Variants in FAM78A observed in about 807,000 individuals in gnomAD.
The protein encoded by FAM78A is family with sequence similarity 78 member A.
Under a neutral mutation model 22.6 loss-of-function variants are expected in FAM78A, and 12 were observed. That is an observed-to-expected ratio of 0.53 (90% confidence interval 0.34 to 0.86). FAM78A has a LOEUF of 0.86. Ranked by LOEUF, FAM78A falls within the 40% of genes least tolerant of loss-of-function variation. The pLI, the probability that FAM78A is intolerant of heterozygous loss-of-function variation, is 0.02. For synonymous variants in FAM78A, 151 were observed against 155.8 expected (o/e 0.97, Z 0.23); for missense variants, 322 against 396.1 (o/e 0.81, Z 1.59).
Position 131,276,105 on chromosome 9 carries a change from C to G in FAM78A, c.75G>C (p.Gln25His). ...RALLYAMGCI[Q>H]SIGGKARVFR... is the part of the protein sequence containing the mutation. ...AGACTCTGGCTTTGCCTCCGATGCTCTGAATACAGCCCATGGCATACAGGA... is the reference window on the plus strand; with the variant it reads ...AGACTCTGGCTTTGCCTCCGATGCTGTGAATACAGCCCATGGCATACAGGA... Residue 25 changes from glutamine (Q) to histidine (H), a missense_variant, in exon 1 of 2, where the codon CAG becomes CAC. Physicochemically the swap from Gln to His is conservative, Grantham distance 24 (BLOSUM62 0). Transcript: ENST00000372271. This position sits in a 1 kb window ranked among gnomAD's most constrained non-coding sequence, Gnocchi z 4.3. The G allele has an allele frequency of 6.2e-7, 1 of 1,613,790 alleles. No homozygotes were observed.
rs2131165732 is a variant in FAM78A, at chr9:131,265,419, C to T, written c.324-4069G>A. Reference sequence around the variant, plus strand: ...TACAGGCATGTGCCACCATGCCGGACTAATTATTTAGTAGAGATGGGGTTT... The same window carrying T: ...TACAGGCATGTGCCACCATGCCGGATTAATTATTTAGTAGAGATGGGGTTT... On this transcript the variant is annotated intron_variant, in intron 1 of 1. Coordinates refer to ENST00000372271, the MANE Select transcript of FAM78A (RefSeq NM_033387.4). The surrounding 1 kb of genome is among the most constrained non-coding windows in gnomAD (Gnocchi z 4.3). Among the ~76,000 whole-genome samples, 1 of 152,244 alleles carries T rather than the reference C, an allele frequency of 6.6e-6. No individual in the cohort carries two copies. The highest frequency in any genetic ancestry group is 1.9e-4 in the East Asian group (1 of 5,156).
chr9:131,261,821 C>T lies in FAM78A; in HGVS notation c.324-471G>A, dbSNP rs1835274695. The stretch of plus-strand genomic sequence containing the variant: ...CAAGCGGTGGGGCCTGGGACCCCGG[C>T]GCATTTCCACCAAGGCACCTGTAAC... On this transcript the variant is annotated intron_variant, in intron 1 of 1. Coordinates refer to ENST00000372271, the MANE Select transcript of FAM78A (RefSeq NM_033387.4). This position sits in a 1 kb window ranked among gnomAD's most constrained non-coding sequence, Gnocchi z 7.1. 1.3e-5 allele frequency among the ~76,000 whole-genome samples: 2 copies of T among 152,290 alleles called. No homozygotes were observed. The highest frequency in any genetic ancestry group is 1.9e-4 in the East Asian group (1 of 5,172).
chr9:131,264,388 C>T (rs1835315309), intron 1 of FAM78A: 1 of 567,690 alleles, frequency 1.8e-6, no homozygotes, highest in African/African-American at 1.9e-5. Context: ...GCCAAATCGT[C>T]ACCAGGCTGC....
At chr9:131,279,071 C>G (rs1835518291), upstream of FAM78A, among the ~76,000 whole-genome samples, 1 of 152,262 alleles carries the variant, frequency 6.6e-6, no homozygotes, top group Admixed American at 6.5e-5. Flanking sequence ...CACACCCTCA[C>G]CCCAGCACTG....
chr9:131,270,775 C>G lies in FAM78A; in HGVS notation c.323+5082G>C, dbSNP rs76608856. On this transcript the variant is annotated intron_variant, in intron 1 of 1. Transcript: ENST00000372271. ...GGTCAACAGGGACATTCCTCCATGG[C>G]CTGTCCCCAGATCTGCTGGCGCTGA... Among the ~76,000 whole-genome samples the G allele has an allele frequency of 4.1e-4, 62 of 152,328 alleles. No homozygotes were observed. In the East Asian group the frequency reaches 0.012, roughly 29 times the overall value.
rs1450629044 is a variant in FAM78A at position 131,270,401 on chromosome 9, G to A, written c.323+5456C>T. On this transcript the variant is annotated intron_variant, in intron 1 of 1. Transcript: ENST00000372271. Reference sequence around the variant, plus strand: ...CCCAACTCCAATCAGCAAAACAAAGGATATCAGTATGTAACTTGTCATTTC... The same window carrying A: ...CCCAACTCCAATCAGCAAAACAAAGAATATCAGTATGTAACTTGTCATTTC... 5 of 717,420 alleles carry A rather than the reference G, an allele frequency of 7.0e-6. No individual in the cohort carries two copies. In the Admixed American group the frequency reaches 1.0e-4, roughly 14 times the overall value. The allele number at this position is 717,420 out of a possible 1,614,324, so 44.4% of individuals were successfully genotyped here. A position where few individuals can be genotyped will look rare whatever the true frequency, so the allele number is the denominator to read the frequency against.
rs1588200528 is a variant in FAM78A, at chr9:131,272,749, G to A, written c.323+3108C>T. ...AGTTCGAGACCATCCTGGCCAACGC[G>A]GTGAAACCCCGTCTCTACTAAAAAT... is the stretch of plus-strand genomic sequence containing the variant. On this transcript the variant is annotated intron_variant, in intron 1 of 1. Transcript: ENST00000372271. This position sits in a 1 kb window ranked among gnomAD's most constrained non-coding sequence, Gnocchi z 4.1. Among the ~76,000 whole-genome samples the A allele has an allele frequency of 6.6e-6, 1 of 152,016 alleles. No homozygotes were observed. The highest frequency in any genetic ancestry group is 6.6e-5 in the Admixed American group (1 of 15,254).
rs932100269 is a variant in FAM78A at position 131,261,908 on chromosome 9, A to G, written c.324-558T>C. 2.6e-5 allele frequency among the ~76,000 whole-genome samples: 4 copies of G among 152,086 alleles called. No individual in the cohort carries two copies. Among genetic ancestry groups the G allele is most frequent in the African/African-American group, 9.7e-5 (4 of 41,398 alleles). ...CTGCTCACCTACGTGCACAGCGGGT[A>G]CTCCCAGGAACAAGCTACTGTTAAA... is the stretch of plus-strand genomic sequence containing the variant. On this transcript the variant is annotated intron_variant, in intron 1 of 1. Coordinates refer to ENST00000372271, the MANE Select transcript of FAM78A (RefSeq NM_033387.4). This position sits in a 1 kb window ranked among gnomAD's most constrained non-coding sequence, Gnocchi z 7.1.
At chr9:131,278,479 C>G (rs147626980), upstream of FAM78A, among the ~76,000 whole-genome samples, 40 of 152,222 alleles carry the variant, frequency 2.6e-4, 1 homozygote, top group Admixed American at 1.1e-3. Flanking sequence ...TGGGTCCCCT[C>G]GAGCAGGTCT....
chr9:131,273,808 G>T (rs1472105399), intron 1 of FAM78A, among the ~76,000 whole-genome samples: 1 of 152,236 alleles, frequency 6.6e-6, no homozygotes, highest in Non-Finnish European at 1.5e-5. Context: ...TGGCGAATTT[G>T]GTTAGCTTGA....
upstream of FAM78A, among the ~76,000 whole-genome samples, chr9:131,276,749 C>G (rs1835489212): frequency 6.6e-6 from 1 of 151,510 alleles, no homozygotes; most frequent in South Asian, 2.1e-4. The surrounding 1 kb of genome is among the most constrained non-coding windows in gnomAD (Gnocchi z 4.3). Context: ...AGGAGGCGAG[C>G]TCAGGGCTCC....
rs774730612 is a variant in FAM78A, at chr9:131,276,203, C to G, written c.-24G>C. On this transcript the variant is annotated 5_prime_UTR_variant, in exon 1 of 2. Coordinates refer to ENST00000372271, the MANE Select transcript of FAM78A (RefSeq NM_033387.4). The surrounding 1 kb of genome is among the most constrained non-coding windows in gnomAD (Gnocchi z 4.3). ...ATTGAAAGGACAGAGGCTGCAGGAC[C>G]CAGTACAGACGGCGCTGCTCTCCAA... 2.5e-6 allele frequency: 4 copies of G among 1,587,810 alleles called. No homozygotes were observed. In the East Asian group the frequency reaches 6.7e-5, roughly 27 times the overall value.
intron 1 of FAM78A, among the ~76,000 whole-genome samples, chr9:131,270,744 C>G (rs570395637): frequency 1.3e-5 from 2 of 152,318 alleles, no homozygotes; most frequent in African/African-American, 4.8e-5. Context: ...CAGGAAGAGG[C>G]CACGTGGTCA....
rs776522545 is a variant in FAM78A, at chr9:131,275,942, T to C, written c.238A>G (p.Ile80Val). 40 of 1,613,286 alleles carry C rather than the reference T, an allele frequency of 2.5e-5. No homozygotes were observed. Among genetic ancestry groups the C allele is most frequent in the Non-Finnish European group, 3.0e-5 (35 of 1,179,992 alleles). Residue 80 changes from isoleucine (I) to valine (V), a missense_variant, in exon 1 of 2, where the codon ATC becomes GTC. By Grantham distance (29) the Ile-to-Val change is conservative. Transcript: ENST00000372271. The surrounding 1 kb of genome is among the most constrained non-coding windows in gnomAD (Gnocchi z 4.6). The part of the protein sequence containing the change: ...RASAQVVMPP[I>V]PKKETWVVGW... ...ACTACCCAAGTCTCCTTCTTGGGGATGGGCGGCATGACCACCTGGGCCGAG... is the reference window on the plus strand; with the variant it reads ...ACTACCCAAGTCTCCTTCTTGGGGACGGGCGGCATGACCACCTGGGCCGAG...
At chr9:131,271,954 A>T (rs1258156762) in intron 1 of FAM78A, among the ~76,000 whole-genome samples, 1 of 152,072 alleles carries the variant, frequency 6.6e-6, no homozygotes, top group African/African-American at 2.4e-5. Flanking sequence ...GAATCCTCTC[A>T]TGCTGGCACA....
upstream of FAM78A, among the ~76,000 whole-genome samples, chr9:131,276,874 C>T (rs904396707): frequency 2.0e-5 from 3 of 149,140 alleles, no homozygotes; most frequent in Non-Finnish European, 4.5e-5. The surrounding 1 kb of genome is among the most constrained non-coding windows in gnomAD (Gnocchi z 4.3). Flanking sequence ...CTGTCGCTGC[C>T]GGCCGCCGTG....
intron 1 of FAM78A, among the ~76,000 whole-genome samples, chr9:131,266,216 G>A (rs182747364): frequency 1.3e-5 from 2 of 152,170 alleles, no homozygotes; most frequent in East Asian, 3.9e-4. Context: ...GAAGCAGCCC[G>A]AAGGATCTTC....
Position 131,262,242 on chromosome 9 carries a change from C to T in FAM78A, c.324-892G>A, listed in dbSNP as rs188596385. Among the ~76,000 whole-genome samples, 9 of 146,922 alleles carry T rather than the reference C, an allele frequency of 6.1e-5. No individual in the cohort carries two copies. The East Asian group carries it at 1.2e-3, about 20-fold the overall frequency. ...CTACTCAGGAGGCTGAGGCAGGAGACAGAGGTTGCAGTGAGCCGAGATCAC... is the reference window on the plus strand; with the variant it reads ...CTACTCAGGAGGCTGAGGCAGGAGATAGAGGTTGCAGTGAGCCGAGATCAC... On this transcript the variant is annotated intron_variant, in intron 1 of 1. Coordinates refer to ENST00000372271, the MANE Select transcript of FAM78A (RefSeq NM_033387.4).
At chr9:131,263,624 A>G in intron 1 of FAM78A, 1 of 170,282 alleles carries the variant, frequency 5.9e-6, no homozygotes, top group Non-Finnish European at 1.3e-5. Context: ...AATTAATAAT[A>G]AAATAAAATG....
Sources: gnomAD v4.1 joint callset for allele counts (sites outside exome capture counted in the v4.1 genomes callset) on GRCh38, gnomAD v4.1.1 for gene constraint, Gnocchi (gnomAD v3.1) non-coding constraint, MANE v1.5 for transcripts, NCBI Gene and HGNC (gene_info 2026-07-23, HGNC 2026-07-21) for gene names.